DMRT2: variants seen among roughly 807,000 people sequenced by gnomAD.
DMRT2 encodes the protein doublesex and mab-3 related transcription factor 2.
In DMRT2, 33 loss-of-function variants were observed where a neutral mutation model predicts 43.5. That is an observed-to-expected ratio of 0.76 (90% confidence interval 0.58 to 1.01). The LOEUF (loss-of-function observed/expected upper bound fraction) is 1.01. Among genes scored for constraint, DMRT2 ranks in the 50% least tolerant of loss-of-function variants. The pLI is 0.00. For synonymous variants in DMRT2, 395 were observed against 309.2 expected, an observed-to-expected ratio of 1.28 and a Z score of -2.91; for missense variants, 1,064 against 748.0, an observed-to-expected ratio of 1.42 and a Z score of -4.93.
chr9:1,056,633 C>A lies in DMRT2; in HGVS notation c.1046C>A (p.Pro349His). 6.2e-7 allele frequency: 1 copy of A among 1,614,182 alleles called. No individual in the cohort carries two copies. The highest frequency in any genetic ancestry group is 8.5e-7 in the Non-Finnish European group (1 of 1,180,030). ...SRFLVWPKCG[P>H]ISDTLLYQQC... ...TTTTTAGTTTGGCCCAAGTGTGGCCCCATTAGCGACACCCTCCTCTACCAG... is the reference window on the plus strand; with the variant it reads ...TTTTTAGTTTGGCCCAAGTGTGGCCACATTAGCGACACCCTCCTCTACCAG... Residue 349 changes from proline to histidine, a missense_variant, in exon 4 of 4, where the codon CCC becomes CAC. Coordinates refer to ENST00000358146, the MANE Select transcript of DMRT2 (RefSeq NM_181872.6).
At position 1,056,860 on chromosome 9, in the gene DMRT2, G is replaced by T; in HGVS notation, c.1273G>T (p.Glu425Ter). 6.2e-7 allele frequency: 1 copy of T among 1,614,150 alleles called. No individual in the cohort carries two copies. The highest frequency in any genetic ancestry group is 8.5e-7 in the Non-Finnish European group (1 of 1,180,036). Residue 425 changes from glutamate to a stop codon, truncating the protein, a stop_gained, in exon 4 of 4, where the codon GAG becomes TAG. Transcript: ENST00000358146. LOFTEE classifies it high-confidence loss of function. ...CCTTCAGGGTCATCAGGCTGTCCCA[G>T]AGAGGTCCGCGTTCTCCCCACCCCG... ...SDLQGHQAVPERSAFSPPRRN... is the reference protein window; with the variant it reads ...SDLQGHQAVP
Position 1,056,647 on chromosome 9 carries a change from C to G in DMRT2, c.1060C>G (p.Leu354Val), listed in dbSNP as rs775428927. 5 of 1,614,204 alleles carry G rather than the reference C, an allele frequency of 3.1e-6. No individual in the cohort carries two copies. Among genetic ancestry groups the G allele is most frequent in the Non-Finnish European group, 4.2e-6 (5 of 1,180,046 alleles). The change falls in exon 4 of 4, where the codon CTC becomes GTC. Residue 354 changes from leucine to valine, a missense_variant. Transcript: ENST00000358146. The part of the protein sequence containing the change: ...WPKCGPISDT[L>V]LYQQCLLNAT... Reference sequence around the variant, plus strand: ...CAAGTGTGGCCCCATTAGCGACACCCTCCTCTACCAGCAATGCCTGCTAAA... The same window carrying G: ...CAAGTGTGGCCCCATTAGCGACACCGTCCTCTACCAGCAATGCCTGCTAAA...
intron 2 of DMRT2, among the ~76,000 whole-genome samples, chr9:1,052,592 C>A (rs899816124): frequency 3.9e-5 from 6 of 151,984 alleles, no homozygotes; most frequent in African/African-American, 1.2e-4. Context: ...CTTCAGCTGT[C>A]ACCTGGACGT....
intron 3 of DMRT2, 104 bp downstream of exon 3, chr9:1,053,928 G>A (rs1821791299): frequency 1.1e-6 from 1 of 943,296 alleles, no homozygotes; most frequent in Non-Finnish European, 1.6e-6. Context: ...TATCTAAAGG[G>A]AAAGTACTTT....
Position 1,057,535 on chromosome 9 carries a change from G to A in DMRT2, c.*262G>A. Reference sequence around the variant, plus strand: ...TTCAAAAAGCAATAAAATTGACACTGTCTTCTCAAAGACCCAATATTTGCC... The same window carrying A: ...TTCAAAAAGCAATAAAATTGACACTATCTTCTCAAAGACCCAATATTTGCC... On this transcript the variant is annotated 3_prime_UTR_variant, in exon 4 of 4. Transcript: ENST00000358146. 2.6e-6 allele frequency: 1 copy of A among 383,248 alleles called. No individual in the cohort carries two copies. The highest frequency in any genetic ancestry group is 2.1e-5 in the African/African-American group (1 of 48,640). The allele number at this position is 383,248 out of a possible 1,614,324, so 23.7% of individuals were successfully genotyped here. A position where few individuals can be genotyped will look rare whatever the true frequency, so the allele number is the denominator to read the frequency against.
chr9:1,056,071 T>G, intron 3 of DMRT2, 145 bp from the exon 4 acceptor site: 1 of 1,462,264 alleles, frequency 6.8e-7, no homozygotes, highest in Non-Finnish European at 9.0e-7. Flanking sequence ...TAATCTGTAC[T>G]TTTGCATCTG....
Position 1,051,789 on chromosome 9 carries a change from C to T in DMRT2, c.176C>T (p.Ala59Val). Residue 59 changes from alanine to valine, a missense_variant, in exon 2 of 4, where the codon GCG becomes GTG. Physicochemically the swap from Ala to Val is moderately conservative, Grantham distance 64. Coordinates refer to ENST00000358146, the MANE Select transcript of DMRT2 (RefSeq NM_181872.6). The surrounding 1 kb of genome is among the most constrained non-coding windows in gnomAD (Gnocchi z 5.9). ...DEDDDGVDED[A>V]EEEGDGEEAG... ...GATGACGACGGGGTGGACGAAGACG[C>T]GGAAGAAGAGGGCGACGGCGAGGAG... The T allele has an allele frequency of 3.3e-6, 5 of 1,511,126 alleles. No individual in the cohort carries two copies. Among genetic ancestry groups the T allele is most frequent in the Non-Finnish European group, 4.4e-6 (5 of 1,132,794 alleles). 93.6% of individuals were successfully genotyped at this position (1,511,126 alleles called of 1,614,324 possible). A position where few individuals can be genotyped will look rare whatever the true frequency, so the allele number is the denominator to read the frequency against.
In DMRT2 at chr9:1,056,567, G is replaced by A; in HGVS notation, c.980G>A (p.Ser327Asn). ...GNMELISSNV[S>N]VATTYRQYPL... ...ATGGAACTAATTTCTTCTAATGTCA[G>A]CGTGGCCACAACTTATAGACAGTAT... Residue 327 changes from serine to asparagine, a missense_variant, in exon 4 of 4, where the codon AGC (serine) becomes AAC (asparagine). Transcript: ENST00000358146. 1.2e-6 allele frequency: 2 copies of A among 1,614,190 alleles called. No individual in the cohort carries two copies. Among genetic ancestry groups the A allele is most frequent in the Middle Eastern group, 3.3e-4 (2 of 6,062 alleles).
rs540035132 is a variant in DMRT2, at chr9:1,050,407, A to T, written c.-413A>T. 1 of 152,350 alleles carries T rather than the reference A, an allele frequency of 6.6e-6. No individual in the cohort carries two copies. Among genetic ancestry groups the T allele is most frequent in the East Asian group, 1.9e-4 (1 of 5,158 alleles). 9.4% of individuals were successfully genotyped at this position (152,350 alleles called of 1,614,324 possible). ...CGCGCGCCCGCCGGGTGAGCCAGCG[A>T]TCTGAGCCAGGCGGGGGCGGCCCGA... On this transcript the variant is annotated 5_prime_UTR_variant, in exon 1 of 4. Transcript: ENST00000358146.
chr9:1,051,856 G>A lies in DMRT2; in HGVS notation c.243G>A (p.Arg81=), dbSNP rs541403055. 375 of 1,399,602 alleles carry A rather than the reference G, an allele frequency of 2.7e-4. 1 individual carries two copies. The East Asian group carries it at 9.1e-3, about 34-fold the overall frequency. The allele number at this position is 1,399,602 out of a possible 1,614,324, so 86.7% of individuals were successfully genotyped here. ...SPGMPGQPEQ[R]GGPQPRPPLA... is the part of the protein sequence containing the mutation. ...GGATGCCCGGCCAGCCGGAGCAGCG[G>A]GGGGGACCGCAGCCGAGGCCGCCGC... Residue 81 remains arginine (R), a synonymous_variant, in exon 2 of 4, where the codon CGG becomes CGA. Coordinates refer to ENST00000358146, the MANE Select transcript of DMRT2 (RefSeq NM_181872.6). This position sits in a 1 kb window ranked among gnomAD's most constrained non-coding sequence, Gnocchi z 5.9.
chr9:1,055,349 A>G (rs558007663), intron 3 of DMRT2, among the ~76,000 whole-genome samples: 6 of 152,328 alleles, frequency 3.9e-5, no homozygotes, highest in African/African-American at 1.4e-4. Context: ...AATTCTATTT[A>G]TGTTACACTA....
At chr9:1,053,897 T>C in intron 3 of DMRT2, 73 bp downstream of exon 3, 1 of 1,309,062 alleles carries the variant, frequency 7.6e-7, no homozygotes, top group Non-Finnish European at 1.1e-6. Context: ...ACAAAGTGTG[T>C]TTATTAATCT....
rs369467333 is a variant in DMRT2, at chr9:1,052,574, G to C, written c.525+436G>C. ...AAAAAGAACCACGCAGCACGCATGC[G>C]CTCGGTGCTTCAGCTGTCACCTGGA... On this transcript the variant is annotated intron_variant, in intron 2 of 3. Transcript: ENST00000358146. Among the ~76,000 whole-genome samples, 10 of 152,044 alleles carry C rather than the reference G, an allele frequency of 6.6e-5. No individual in the cohort carries two copies. The East Asian group carries it at 1.2e-3, about 18-fold the overall frequency.
At position 1,051,859 on chromosome 9, in the gene DMRT2, G is replaced by A. The variant is rs1334673919; in HGVS notation, c.246G>A (p.Gly82=). ...PGMPGQPEQR[G]GPQPRPPLAP... ...TGCCCGGCCAGCCGGAGCAGCGGGG[G>A]GGACCGCAGCCGAGGCCGCCGCTCG... The change falls in exon 2 of 4, where the codon GGG becomes GGA. Residue 82 remains glycine (G), a synonymous_variant. Transcript: ENST00000358146. The surrounding 1 kb of genome is among the most constrained non-coding windows in gnomAD (Gnocchi z 5.9). The A allele has an allele frequency of 4.3e-6, 6 of 1,397,968 alleles. No homozygotes were observed. Among genetic ancestry groups the A allele is most frequent in the Admixed American group, 3.7e-5 (1 of 27,076 alleles). 86.6% of individuals were successfully genotyped at this position (1,397,968 alleles called of 1,614,324 possible). A position where few individuals can be genotyped will look rare whatever the true frequency, so the allele number is the denominator to read the frequency against.
chr9:1,051,580 G>C lies in DMRT2; in HGVS notation c.-34G>C, dbSNP rs1323065134. On this transcript the variant is annotated 5_prime_UTR_variant, in exon 2 of 4. Transcript: ENST00000358146. This position sits in a 1 kb window ranked among gnomAD's most constrained non-coding sequence, Gnocchi z 5.9. ...TTTGTGTTTCCCCAGAGTGAGGGCC[G>C]CCAGGCTCAGGCCCCAGCGAAGCCC... 1.6e-5 allele frequency: 24 copies of C among 1,488,512 alleles called. No homozygotes were observed. The highest frequency in any genetic ancestry group is 1.4e-5 in the Non-Finnish European group (16 of 1,129,866). The allele number at this position is 1,488,512 out of a possible 1,614,324, so 92.2% of individuals were successfully genotyped here.
chr9:1,056,020 G>T (rs1486355696), intron 3 of DMRT2, 196 bp from the exon 4 acceptor site: 1 of 1,419,970 alleles, frequency 7.0e-7, no homozygotes, highest in Non-Finnish European at 9.1e-7. Context: ...AGAAGTTGCA[G>T]TATGGATATC....
chr9:1,057,368 A>C lies in DMRT2; in HGVS notation c.*95A>C. 6 of 1,387,310 alleles carry C rather than the reference A, an allele frequency of 4.3e-6. No homozygotes were observed. Among genetic ancestry groups the C allele is most frequent in the Non-Finnish European group, 4.8e-6 (5 of 1,038,952 alleles). 85.9% of individuals were successfully genotyped at this position (1,387,310 alleles called of 1,614,324 possible). A position where few individuals can be genotyped will look rare whatever the true frequency, so the allele number is the denominator to read the frequency against. On this transcript the variant is annotated 3_prime_UTR_variant, in exon 4 of 4. Coordinates refer to ENST00000358146, the MANE Select transcript of DMRT2 (RefSeq NM_181872.6). ...AAAAGTTAAGATGTTTGTGTAAAGAAATTTCTAATGTAAAGATGATGATTT... is the reference window on the plus strand; with the variant it reads ...AAAAGTTAAGATGTTTGTGTAAAGACATTTCTAATGTAAAGATGATGATTT...
Position 1,056,533 on chromosome 9 carries a change from T to C in DMRT2, c.946T>C (p.Ser316Pro), listed in dbSNP as rs1445410381. The part of the protein sequence containing the change: ...CLDLTMQYSG[S>P]GNMELISSNV... ...TGATTTAACCATGCAGTATTCAGGG[T>C]CTGGGAATATGGAACTAATTTCTTC... is the stretch of plus-strand genomic sequence containing the variant. Residue 316 changes from serine to proline, a missense_variant, in exon 4 of 4, where the codon TCT (serine) becomes CCT (proline). Physicochemically the swap from Ser to Pro is moderately conservative, Grantham distance 74. Transcript: ENST00000358146. 3.1e-6 allele frequency: 5 copies of C among 1,614,172 alleles called. No individual in the cohort carries two copies. In the Admixed American group the frequency reaches 6.7e-5, roughly 22 times the overall value.
chr9:1,054,391 C>T (rs1311027472), intron 3 of DMRT2, among the ~76,000 whole-genome samples: 2 of 150,350 alleles, frequency 1.3e-5, no homozygotes, highest in Admixed American at 1.3e-4. Flanking sequence ...CCTCAGATTC[C>T]GCTCTTTTTC....
Sources: gnomAD v4.1 joint callset for allele counts (sites outside exome capture counted in the v4.1 genomes callset) on GRCh38, gnomAD v4.1.1 for gene constraint, Gnocchi (gnomAD v3.1) non-coding constraint, MANE v1.5 for transcripts, NCBI Gene and HGNC (gene_info 2026-07-23, HGNC 2026-07-21) for gene names.